The following UNC5B variants were observed in gnomAD, a reference collection of about 807,000 sequenced individuals.
UNC5B encodes netrin receptor UNC5B.
In UNC5B, 56 loss-of-function variants were observed where a neutral mutation model predicts 103.7. The ratio of observed to expected loss-of-function variants is 0.54; its 90% CI spans 0.44 to 0.67. The LOEUF is 0.67. Ranked by LOEUF, UNC5B falls within the 30% of genes least tolerant of loss-of-function variation. The pLI is 0.00. For synonymous variants in UNC5B, 577 were observed against 542.0 expected (o/e 1.06, Z -0.90); for missense variants, 1,194 against 1,284.5 (o/e 0.93, Z 1.08).
intron 1 of UNC5B, among the ~76,000 whole-genome samples, chr10:71,253,400 A>G (rs1048113183): frequency 6.6e-6 from 1 of 152,272 alleles, no homozygotes; most frequent in Non-Finnish European, 1.5e-5. Flanking sequence ...GAGCAGCAGC[A>G]GTGCAGCTTC....
intron 1 of UNC5B, among the ~76,000 whole-genome samples, chr10:71,269,347 C>CCCG (rs757945113): frequency 9.3e-4 from 132 of 142,322 alleles, no homozygotes; most frequent in Non-Finnish European, 1.6e-3. Flanking sequence ...ATGAAGTCCC[C>CCCG]CCCCCACAAC....
At chr10:71,254,083 C>T (rs1349510573) in intron 1 of UNC5B, among the ~76,000 whole-genome samples, 1 of 152,188 alleles carries the variant, frequency 6.6e-6, no homozygotes, top group African/African-American at 2.4e-5. Context: ...CACATCAAGT[C>T]AGCAGTATTG....
intron 1 of UNC5B, among the ~76,000 whole-genome samples, chr10:71,257,085 C>T (rs1176762878): frequency 6.6e-6 from 1 of 152,152 alleles, no homozygotes; most frequent in Admixed American, 6.5e-5. Context: ...ATCGACCCTC[C>T]TGGTAAGGGA....
chr10:71,301,213 G>T lies in UNC5B; in HGVS notation c.*1936G>T, dbSNP rs1342487628. The T allele has an allele frequency of 6.6e-6, 1 of 152,364 alleles. No homozygotes were observed. Among genetic ancestry groups the T allele is most frequent in the Non-Finnish European group, 1.5e-5 (1 of 68,134 alleles). The allele number at this position is 152,364 out of a possible 1,614,324, so 9.4% of individuals were successfully genotyped here. On this transcript the variant is annotated 3_prime_UTR_variant, in exon 17 of 17. Transcript: ENST00000335350. ...CCTTTGAAAGTCTGATATCCTGAGA[G>T]GAGGGCAGGTTTTAGGGCCGCAGTT...
At chr10:71,246,949 C>T (rs1844052130) in intron 1 of UNC5B, among the ~76,000 whole-genome samples, 1 of 152,130 alleles carries the variant, frequency 6.6e-6, no homozygotes. Context: ...TTGCCCACTC[C>T]CTGTGTGACC....
At chr10:71,253,683 G>T (rs955855192) in intron 1 of UNC5B, among the ~76,000 whole-genome samples, 1 of 152,134 alleles carries the variant, frequency 6.6e-6, no homozygotes, top group Non-Finnish European at 1.5e-5. Context: ...TGTTGGCATC[G>T]CCAGGGCTGC....
chr10:71,272,144 C>T (rs897230200), intron 1 of UNC5B, among the ~76,000 whole-genome samples: 2 of 152,178 alleles, frequency 1.3e-5, no homozygotes, highest in Admixed American at 6.5e-5. Flanking sequence ...ACATCAGCCA[C>T]GCAGTGAATG....
intron 1 of UNC5B, among the ~76,000 whole-genome samples, chr10:71,220,811 G>A (rs1843438812): frequency 6.6e-6 from 1 of 152,160 alleles, no homozygotes; most frequent in African/African-American, 2.4e-5. Flanking sequence ...GTGAAAGCTG[G>A]GAGGTCAGGA....
At chr10:71,225,836 C>T (rs996456451) in intron 1 of UNC5B, among the ~76,000 whole-genome samples, 1 of 152,110 alleles carries the variant, frequency 6.6e-6, no homozygotes, top group African/African-American at 2.4e-5. Context: ...GACTGCTTGC[C>T]ACCGTGCCAC....
intron 1 of UNC5B, among the ~76,000 whole-genome samples, chr10:71,235,526 C>T (rs1289531514): frequency 6.6e-6 from 1 of 152,216 alleles, no homozygotes; most frequent in Non-Finnish European, 1.5e-5. Flanking sequence ...AGCCTTGGGC[C>T]TGGAGAGCAC....
rs112435677 is a variant in UNC5B at position 71,212,666 on chromosome 10, G to A, written c.-320G>A. On this transcript the variant is annotated 5_prime_UTR_variant, in exon 1 of 17. Coordinates refer to ENST00000335350, the MANE Select transcript of UNC5B (RefSeq NM_170744.5). ...ACTGGGGCTGGGACTGCGCGGCGCC[G>A]CCGCTGCGAGCGCCACTGAGCGGTC... The A allele has an allele frequency of 3.4e-4, 79 of 230,124 alleles. 1 individual carries two copies. The East Asian group carries it at 4.2e-3, about 12-fold the overall frequency. The allele number at this position is 230,124 out of a possible 1,614,324, so 14.3% of individuals were successfully genotyped here.
intron 16 of UNC5B, among the ~76,000 whole-genome samples, chr10:71,298,623 T>C (rs1353264727): frequency 6.6e-6 from 1 of 152,076 alleles, no homozygotes; most frequent in Non-Finnish European, 1.5e-5. Context: ...AATAAATAAA[T>C]AAAATATGCT....
At position 71,224,364 on chromosome 10, in the gene UNC5B, G is replaced by GACACACACACACACACAC. The variant is rs58378731; in HGVS notation, c.79+11335_79+11352dup. Among the ~76,000 whole-genome samples the GACACACACACACACACAC allele has an allele frequency of 4.5e-4, 44 of 97,348 alleles. 2 individuals carry two copies. Among genetic ancestry groups the GACACACACACACACACAC allele is most frequent in the African/African-American group, 1.5e-3 (40 of 26,198 alleles). The allele number at this position is 97,348 out of a possible 152,430, so 63.9% of individuals were successfully genotyped here. On this transcript the variant is annotated intron_variant, in intron 1 of 16. Transcript: ENST00000335350. ...CTGGTCCATCCCACTTCTGTATGTA[G>GACACACACACACACACAC]ACACACACACACACACACACACACA...
At position 71,285,260 on chromosome 10, in the gene UNC5B, G is replaced by A. The variant is rs921301294; in HGVS notation, c.449-66G>A. 4.2e-5 allele frequency: 62 copies of A among 1,480,396 alleles called. No homozygotes were observed. The East Asian group carries it at 1.5e-3, about 35-fold the overall frequency. The allele number at this position is 1,480,396 out of a possible 1,614,324, so 91.7% of individuals were successfully genotyped here. A position where few individuals can be genotyped will look rare whatever the true frequency, so the allele number is the denominator to read the frequency against. On this transcript the variant is annotated intron_variant, in intron 3 of 16. Coordinates refer to ENST00000335350, the MANE Select transcript of UNC5B (RefSeq NM_170744.5). ...TCTGCACTGCCACCCAGTGGCTACA[G>A]TGTAGCACATCAGGTTCTGATCCTG...
chr10:71,282,016 A>G (rs925704563), intron 2 of UNC5B, among the ~76,000 whole-genome samples: 1 of 152,220 alleles, frequency 6.6e-6, no homozygotes, highest in Non-Finnish European at 1.5e-5. Context: ...GGCCCCTCAC[A>G]GGCCGTTAGC....
At chr10:71,233,412 T>C (rs919637592) in intron 1 of UNC5B, among the ~76,000 whole-genome samples, 2 of 152,160 alleles carry the variant, frequency 1.3e-5, no homozygotes, top group East Asian at 3.9e-4. Context: ...ATAAATAAAA[T>C]GTTGCCCAGA....
chr10:71,287,825 G>A, intron 6 of UNC5B, 60 bp downstream of exon 6: 1 of 1,572,682 alleles, frequency 6.4e-7, no homozygotes, highest in Non-Finnish European at 8.6e-7. Flanking sequence ...TCTGTTTTGT[G>A]TGCCAGAGCC....
At position 71,299,292 on chromosome 10, in the gene UNC5B, C is replaced by CG. The variant is rs1326559171; in HGVS notation, c.*18dup. ...GGGACTGCTGAGCCTCCTGGGACAG[C>CG]GGGCTGGCAGGGACTGGCAGGAGGC... On this transcript the variant is annotated 3_prime_UTR_variant, in exon 17 of 17. Coordinates refer to ENST00000335350, the MANE Select transcript of UNC5B (RefSeq NM_170744.5). The CG allele has an allele frequency of 6.2e-7, 1 of 1,612,838 alleles. No individual in the cohort carries two copies. Among genetic ancestry groups the CG allele is most frequent in the African/African-American group, 1.3e-5 (1 of 74,920 alleles).
rs1843267372 is a variant in UNC5B, at chr10:71,213,405, GC to G, written c.79+345del. Among the ~76,000 whole-genome samples, 1 of 152,118 alleles carries G rather than the reference GC, an allele frequency of 6.6e-6. No individual in the cohort carries two copies. Among genetic ancestry groups the G allele is most frequent in the Admixed American group, 6.5e-5 (1 of 15,272 alleles). On this transcript the variant is annotated intron_variant, in intron 1 of 16. Transcript: ENST00000335350. This position sits in a 1 kb window ranked among gnomAD's most constrained non-coding sequence, Gnocchi z 4.1. ...CCGGCTCTCCGCGCGCCTGGCATCCGCCCCGAAAAAGAACATTGGCTACATA... is the reference window on the plus strand; with the variant it reads ...CCGGCTCTCCGCGCGCCTGGCATCCGCCCGAAAAAGAACATTGGCTACATA...
Sources: allele counts gnomAD v4.1 joint callset (sites outside exome capture counted in the v4.1 genomes callset), GRCh38; gene constraint gnomAD v4.1.1; non-coding constraint Gnocchi (gnomAD v3.1); transcripts MANE v1.5; gene names NCBI Gene and HGNC (gene_info 2026-07-23, HGNC 2026-07-21).